The following MACF1 variants were observed in gnomAD, a reference collection of about 807,000 sequenced individuals.
The protein encoded by MACF1 is microtubule actin crosslinking factor 1.
MACF1 carries 193 observed loss-of-function variants against 854.8 expected under a neutral mutation model. That is an observed-to-expected ratio of 0.23 (90% CI 0.20 to 0.25). The LOEUF is 0.25. Ranked by LOEUF, MACF1 falls within the 10% of genes least tolerant of loss-of-function variation. The pLI, the probability that MACF1 is intolerant of heterozygous loss-of-function variation, is 1.00. For synonymous variants in MACF1, 3,185 were observed against 3,226.7 expected (o/e 0.99, Z 0.44); for missense variants, 7,722 against 8,929.1 (o/e 0.86, Z 5.45).
chr1:39,145,961 G>A (rs1643454258), intron 2 of MACF1, among the ~76,000 whole-genome samples: 1 of 152,140 alleles, frequency 6.6e-6, no homozygotes, highest in African/African-American at 2.4e-5. Context: ...AACCACTATG[G>A]AGAATGGTTT....
chr1:39,478,015 T>TG (rs1644942825), intron 97 of MACF1, among the ~76,000 whole-genome samples: 1 of 147,886 alleles, frequency 6.8e-6, no homozygotes, highest in Non-Finnish European at 1.5e-5. Context: ...TTTTTTTTTT[T>TG]TTTTTGAGAT....
rs1417061464 is a variant in MACF1, at chr1:39,424,038, G to A, written c.16160G>A (p.Arg5387Gln). The A allele has an allele frequency of 3.1e-6, 5 of 1,610,122 alleles. No individual in the cohort carries two copies. The highest frequency in any genetic ancestry group is 1.4e-5 in the African/African-American group (1 of 73,982). Residue 5387 changes from arginine (R) to glutamine (Q), a missense_variant, in exon 61 of 101, where the codon CGG (arginine) becomes CAG (glutamine). Arg to Gln is a conservative substitution (Grantham distance 43). Coordinates refer to ENST00000564288, the MANE Select transcript of MACF1 (RefSeq NM_001394062.1). The stretch of plus-strand genomic sequence containing the variant: ...TTCTCTTTATAATAGTTGCTCCAGC[G>A]GCTCCTAGATGATCGAAAGGCCACA... ...AQIQEQKLLQ[R>Q]LLDDRKATVD...
chr1:39,450,302 CA>C (rs1644314725), intron 84 of MACF1, among the ~76,000 whole-genome samples: 1 of 94,342 alleles, frequency 1.1e-5, no homozygotes, highest in Non-Finnish European at 2.2e-5. Context: ...GCCTGTACTC[CA>C]ATTTTTTTTT....
intron 2 of MACF1, among the ~76,000 whole-genome samples, chr1:39,232,957 AT>A (rs1324850523): frequency 6.8e-6 from 1 of 147,612 alleles, no homozygotes; most frequent in Admixed American, 6.7e-5. Context: ...TAATTTTTAA[AT>A]TTTTTTGTAG....
At chr1:39,482,304 T>C (rs1314057455) in intron 99 of MACF1, among the ~76,000 whole-genome samples, 8 of 152,240 alleles carry the variant, frequency 5.3e-5, no homozygotes, top group Admixed American at 4.6e-4. Context: ...CCAGGAAATT[T>C]TGTGCTTGAG....
chr1:39,428,357 CATTT>C (rs2148646954), intron 63 of MACF1, 70 bp downstream of exon 63: 1 of 1,400,622 alleles, frequency 7.1e-7, no homozygotes, highest in East Asian at 2.5e-5. Context: ...TGTTTCTCTT[CATTT>C]ATTTTTTTTT....
At chr1:39,272,903 A>C (rs1313845723) in intron 6 of MACF1, among the ~76,000 whole-genome samples, 1 of 152,202 alleles carries the variant, frequency 6.6e-6, no homozygotes, top group East Asian at 1.9e-4. Flanking sequence ...ACAGGCTAAT[A>C]GCAATCGCTC....
chr1:39,363,776 G>A (rs1648422546), intron 49 of MACF1, among the ~76,000 whole-genome samples: 1 of 151,704 alleles, frequency 6.6e-6, no homozygotes. Flanking sequence ...CGATGCCTGG[G>A]TAGTTTTTTT....
upstream of MACF1, among the ~76,000 whole-genome samples, chr1:39,202,665 G>A (rs904982609): frequency 6.6e-6 from 1 of 151,016 alleles, no homozygotes; most frequent in Non-Finnish European, 1.5e-5. Flanking sequence ...ATCCCCCATT[G>A]ACATTGACAC....
intron 1 of MACF1, among the ~76,000 whole-genome samples, chr1:39,205,978 T>G (rs1230355341): frequency 2.6e-5 from 4 of 152,180 alleles, no homozygotes; most frequent in Admixed American, 6.6e-5. Context: ...TTGGGTCTCA[T>G]TGCCTTCAGT....
At chr1:39,447,369 G>T in intron 80 of MACF1, 63 bp from the exon 81 acceptor site, 2 of 1,524,880 alleles carry the variant, frequency 1.3e-6, no homozygotes, top group African/African-American at 1.4e-5. Flanking sequence ...TTGTCGCTGA[G>T]CCTATAATTC....
intron 2 of MACF1, among the ~76,000 whole-genome samples, chr1:39,126,376 C>A (rs1413470945): frequency 6.6e-6 from 1 of 152,188 alleles, no homozygotes; most frequent in Non-Finnish European, 1.5e-5. Flanking sequence ...GGGTTAGAGC[C>A]TTTTCGAATG....
At chr1:39,128,192 C>T (rs1642909730) in intron 2 of MACF1, among the ~76,000 whole-genome samples, 2 of 152,058 alleles carry the variant, frequency 1.3e-5, no homozygotes, top group Admixed American at 1.3e-4. Flanking sequence ...TATTACCATA[C>T]ATCTGGCTTA....
chr1:39,233,429 G>A (rs58716714), intron 2 of MACF1, among the ~76,000 whole-genome samples: 3,447 of 152,120 alleles, frequency 0.023, 135 homozygotes, highest in African/African-American at 0.076. Context: ...TTATTGCTAC[G>A]AGTGAGCCAT....
chr1:39,086,701 A>G (rs1391069507), intron 2 of MACF1, among the ~76,000 whole-genome samples: 4 of 152,180 alleles, frequency 2.6e-5, no homozygotes, highest in Non-Finnish European at 2.9e-5. Context: ...TTGCTGCTTC[A>G]GATTTGGAGT....
chr1:39,262,397 CA>C (rs56376033), intron 6 of MACF1, among the ~76,000 whole-genome samples: 1,750 of 68,630 alleles, frequency 0.025, 19 homozygotes, highest in African/African-American at 0.099. Flanking sequence ...GACTCCATCA[CA>C]AAAAAAAAAA....
At chr1:39,424,862 C>T (rs1643674147) in intron 61 of MACF1, among the ~76,000 whole-genome samples, 1 of 152,138 alleles carries the variant, frequency 6.6e-6, no homozygotes, top group Non-Finnish European at 1.5e-5. Context: ...AATAAGAGAG[C>T]TGATCATTTG....
intron 58 of MACF1, among the ~76,000 whole-genome samples, chr1:39,393,806 CA>C (rs11329754): frequency 0.45 from 57,155 of 125,876 alleles, 13,067 homozygotes; most frequent in African/African-American, 0.68. Flanking sequence ...GACCCTGTCT[CA>C]AAAAAAAAAG....
At chr1:39,193,791 G>GAGA (rs1557510325) in intron 2 of MACF1, among the ~76,000 whole-genome samples, 7 of 149,078 alleles carry the variant, frequency 4.7e-5, no homozygotes, top group Middle Eastern at 3.5e-3. Context: ...AGAGAGAGAG[G>GAGA]GAGAGAGAGA....
Sources: allele counts gnomAD v4.1 joint callset (sites outside exome capture counted in the v4.1 genomes callset), GRCh38; gene constraint gnomAD v4.1.1; transcripts MANE v1.5; gene names NCBI Gene and HGNC (gene_info 2026-07-23, HGNC 2026-07-21).